The following CRB1 variants were observed in gnomAD, a reference collection of about 807,000 sequenced individuals.
The protein encoded by CRB1 is protein crumbs homolog 1.
A neutral mutation model predicts 120.0 loss-of-function variants in CRB1; 83 were observed. The observed-to-expected ratio is 0.69, with a 90% CI of 0.58 to 0.83. The LOEUF (loss-of-function observed/expected upper bound fraction) is 0.83, where lower values mean the gene tolerates loss of function less well. Among genes scored for constraint, CRB1 ranks in the 40% least tolerant of loss-of-function variants. The probability of loss-of-function intolerance (pLI) is 0.00; values close to 1 mark genes in which losing one functional copy is unlikely to be tolerated. For synonymous variants in CRB1, 625 were observed against 612.5 expected, an observed-to-expected ratio of 1.02 and a Z score of -0.30; for missense variants, 1,699 against 1,687.6, an observed-to-expected ratio of 1.01 and a Z score of -0.12.
intron 11 of CRB1, among the ~76,000 whole-genome samples, chr1:197,458,410 A>G (rs1344833373): frequency 1.3e-5 from 2 of 152,056 alleles, no homozygotes; most frequent in Non-Finnish European, 2.9e-5. Flanking sequence ...AAATTTTCTA[A>G]ATGTTCTCTT....
the CRB1 span, among the ~76,000 whole-genome samples, chr1:197,209,507 G>A: frequency 6.6e-6 from 1 of 152,050 alleles, no homozygotes; most frequent in East Asian, 1.9e-4. Flanking sequence ...CACCATGCCT[G>A]GCTAATTTTT....
chr1:197,475,173 A>C (rs1667147231), intron 11 of CRB1, among the ~76,000 whole-genome samples: 1 of 152,220 alleles, frequency 6.6e-6, no homozygotes, highest in Admixed American at 6.5e-5. Context: ...GAGATGGAGT[A>C]GTAAACATAT....
chr1:197,316,518 C>A (rs1657856028), intron 1 of CRB1, among the ~76,000 whole-genome samples: 1 of 152,108 alleles, frequency 6.6e-6, no homozygotes, highest in Non-Finnish European at 1.5e-5. Flanking sequence ...ATATAAGAAC[C>A]AAAGCACCAT....
intron 11 of CRB1, chr1:197,477,427 A>G (rs558281537): frequency 3.4e-6 from 2 of 593,528 alleles, no homozygotes; most frequent in South Asian, 3.3e-5. Context: ...GAGCAAATAT[A>G]GTAGGTATTT....
chr1:197,218,817 C>T, the CRB1 span, among the ~76,000 whole-genome samples: 1 of 152,152 alleles, frequency 6.6e-6, no homozygotes, highest in Non-Finnish European at 1.5e-5. Flanking sequence ...TAGTAGGAAA[C>T]ACCTATTTGA....
the CRB1 span, among the ~76,000 whole-genome samples, chr1:197,211,460 C>T: frequency 6.6e-6 from 1 of 152,194 alleles, no homozygotes; most frequent in Non-Finnish European, 1.5e-5. Context: ...GGCCAGCATT[C>T]AGTGTCTGGT....
At chr1:197,299,727 C>A (rs1656756810) in intron 1 of CRB1, among the ~76,000 whole-genome samples, 1 of 150,370 alleles carries the variant, frequency 6.7e-6, no homozygotes, top group African/African-American at 2.5e-5. Context: ...TTGTTAAAAC[C>A]TAAGTTGAAC....
intron 1 of CRB1, among the ~76,000 whole-genome samples, chr1:197,326,486 C>T (rs977298407): frequency 6.6e-6 from 1 of 151,942 alleles, no homozygotes; most frequent in African/African-American, 2.4e-5. Context: ...AAAAAATTAA[C>T]CAGGCATGGT....
intron 8 of CRB1, among the ~76,000 whole-genome samples, chr1:197,433,313 G>C (rs1664965707): frequency 6.6e-6 from 1 of 152,128 alleles, no homozygotes; most frequent in Non-Finnish European, 1.5e-5. Context: ...GGGACACTAA[G>C]AAGTAATTAG....
chr1:197,257,102 A>G, the CRB1 span, among the ~76,000 whole-genome samples: 1 of 151,696 alleles, frequency 6.6e-6, no homozygotes, highest in Admixed American at 6.6e-5. Context: ...TAATGATGTA[A>G]CTCTCGGTCC....
chr1:197,345,746 G>T (rs1659733903), intron 3 of CRB1, among the ~76,000 whole-genome samples: 1 of 152,052 alleles, frequency 6.6e-6, no homozygotes, highest in Non-Finnish European at 1.5e-5. Context: ...GACCGCAGGT[G>T]ATCTACCTGC....
At chr1:197,418,295 T>G (rs1664108648) in intron 5 of CRB1, among the ~76,000 whole-genome samples, 1 of 152,216 alleles carries the variant, frequency 6.6e-6, no homozygotes, top group African/African-American at 2.4e-5. Context: ...AACACCCCTT[T>G]AGAATATACT....
intron 11 of CRB1, among the ~76,000 whole-genome samples, chr1:197,453,964 T>C (rs1164090989): frequency 8.1e-6 from 1 of 123,572 alleles, no homozygotes; most frequent in Non-Finnish European, 1.6e-5. Flanking sequence ...TATTATTATA[T>C]TATTAATAAT....
At chr1:197,344,710 C>T (rs1334443221) in intron 3 of CRB1, among the ~76,000 whole-genome samples, 1 of 152,054 alleles carries the variant, frequency 6.6e-6, no homozygotes, top group Non-Finnish European at 1.5e-5. Flanking sequence ...ACTGCTTATC[C>T]TATGGAAAAT....
chr1:197,361,022 T>C (rs1015534435), intron 5 of CRB1, among the ~76,000 whole-genome samples: 5 of 152,212 alleles, frequency 3.3e-5, no homozygotes, highest in African/African-American at 1.2e-4. Flanking sequence ...ATCATGTAAG[T>C]TTCTTATTTA....
intron 11 of CRB1, among the ~76,000 whole-genome samples, chr1:197,456,228 G>GA (rs1666278430): frequency 6.6e-6 from 1 of 151,950 alleles, no homozygotes; most frequent in Admixed American, 6.6e-5. Context: ...TAGAACTCAG[G>GA]AAAAAAATTA....
intron 5 of CRB1, among the ~76,000 whole-genome samples, chr1:197,374,611 G>C (rs1357365041): frequency 5.9e-5 from 9 of 152,170 alleles, no homozygotes; most frequent in Non-Finnish European, 7.4e-5. Flanking sequence ...AGGGGTCATA[G>C]AGGGAGAGAG....
At chr1:197,423,030 A>G (rs1389713923) in intron 6 of CRB1, among the ~76,000 whole-genome samples, 2 of 152,196 alleles carry the variant, frequency 1.3e-5, no homozygotes, top group South Asian at 4.1e-4. Flanking sequence ...TAATATTTTA[A>G]GTAGAATGGC....
chr1:197,393,531 A>G (rs1662616485), intron 5 of CRB1, among the ~76,000 whole-genome samples: 1 of 150,802 alleles, frequency 6.6e-6, no homozygotes, highest in Admixed American at 6.6e-5. Flanking sequence ...ATTTTTTTTG[A>G]AAGATAAAAC....
Sources: gnomAD v4.1 joint callset for allele counts (sites outside exome capture counted in the v4.1 genomes callset) on GRCh38, gnomAD v4.1.1 for gene constraint, MANE v1.5 for transcripts, NCBI Gene and HGNC (gene_info 2026-07-23, HGNC 2026-07-21) for gene names.